The following RNF217 variants were observed in gnomAD, a reference collection of about 807,000 sequenced individuals.
RNF217 encodes the protein E3 ubiquitin-protein ligase RNF217.
In RNF217, 31 loss-of-function variants were observed where a neutral mutation model predicts 57.8. The observed-to-expected ratio is 0.54, with a 90% confidence interval of 0.40 to 0.72. The LOEUF (loss-of-function observed/expected upper bound fraction) is 0.72, where lower values mean the gene tolerates loss of function less well. Ranked by LOEUF, RNF217 falls within the 30% of genes least tolerant of loss-of-function variation. The pLI is 0.00. For synonymous variants in RNF217, 313 were observed against 294.0 expected (o/e 1.06, Z -0.66); for missense variants, 696 against 708.3 (o/e 0.98, Z 0.20).
intron 1 of RNF217, among the ~76,000 whole-genome samples, chr6:125,032,284 G>C (rs1192855469): frequency 6.6e-6 from 1 of 152,118 alleles, no homozygotes; most frequent in Non-Finnish European, 1.5e-5. Context: ...TAGAAACTGA[G>C]ACTAGCAAAT....
At chr6:125,012,977 A>G (rs1415685596) in intron 1 of RNF217, among the ~76,000 whole-genome samples, 2 of 152,170 alleles carry the variant, frequency 1.3e-5, no homozygotes, top group African/African-American at 4.8e-5. Flanking sequence ...GATATAGAAT[A>G]TTAAATGTTT....
At chr6:125,005,341 A>C (rs1267999406) in intron 1 of RNF217, among the ~76,000 whole-genome samples, 2 of 152,228 alleles carry the variant, frequency 1.3e-5, no homozygotes, top group Non-Finnish European at 2.9e-5. Flanking sequence ...ACATCAAAGG[A>C]TAAAAAATTC....
At chr6:124,991,535 T>G (rs1279468738) in intron 1 of RNF217, among the ~76,000 whole-genome samples, 1 of 152,210 alleles carries the variant, frequency 6.6e-6, no homozygotes, top group Non-Finnish European at 1.5e-5. Flanking sequence ...ATTATATTCA[T>G]TTTTGTTGTC....
intron 1 of RNF217, among the ~76,000 whole-genome samples, chr6:125,031,791 T>C (rs1373107178): frequency 6.6e-6 from 1 of 152,194 alleles, no homozygotes; most frequent in Admixed American, 6.5e-5. Flanking sequence ...GCCTGTTACC[T>C]AGTTCCAAAG....
At chr6:125,016,925 A>G (rs1239601512) in intron 1 of RNF217, among the ~76,000 whole-genome samples, 1 of 152,182 alleles carries the variant, frequency 6.6e-6, no homozygotes. Flanking sequence ...ATAAAGCATA[A>G]TAAAAAAGAA....
chr6:124,987,082 G>T (rs572640569), intron 1 of RNF217, among the ~76,000 whole-genome samples: 3 of 152,182 alleles, frequency 2.0e-5, no homozygotes, highest in Middle Eastern at 3.4e-3. Flanking sequence ...TAATTTGGAC[G>T]TTTTTTATAC....
At chr6:125,047,167 C>T (rs1787127508) in intron 2 of RNF217, among the ~76,000 whole-genome samples, 1 of 151,892 alleles carries the variant, frequency 6.6e-6, no homozygotes, top group Admixed American at 6.6e-5. Flanking sequence ...TATGTTTGGA[C>T]TTAGATACAT....
In RNF217 at chr6:125,086,303, T is replaced by C. The variant is rs956908521; in HGVS notation, c.*3366T>C. 7 of 151,660 alleles carry C rather than the reference T, an allele frequency of 4.6e-5. No homozygotes were observed. Among genetic ancestry groups the C allele is most frequent in the African/African-American group, 1.7e-4 (7 of 41,318 alleles). The allele number at this position is 151,660 out of a possible 1,614,324, so 9.4% of individuals were successfully genotyped here. On this transcript the variant is annotated 3_prime_UTR_variant, in exon 6 of 6. Transcript: ENST00000521654. ...ATAAATACCTTGCCAAAACTTACAA[T>C]AGGAAATTTTTTTTCAATAAAAATA...
chr6:125,065,049 G>A (rs983454207), intron 3 of RNF217, among the ~76,000 whole-genome samples: 3 of 151,948 alleles, frequency 2.0e-5, no homozygotes, highest in Non-Finnish European at 4.4e-5. Flanking sequence ...GCCGAGGCGG[G>A]CGGATCACGA....
chr6:124,984,631 A>G (rs866267851), intron 1 of RNF217, among the ~76,000 whole-genome samples: 2 of 152,076 alleles, frequency 1.3e-5, no homozygotes, highest in Non-Finnish European at 2.9e-5. Flanking sequence ...GGCTTTCCAT[A>G]TAAAAAATTA....
chr6:125,038,442 A>G (rs905377870), intron 1 of RNF217, among the ~76,000 whole-genome samples: 43 of 152,324 alleles, frequency 2.8e-4, no homozygotes, highest in African/African-American at 7.7e-4. Flanking sequence ...GAATGAAATG[A>G]CATGATATCT....
intron 1 of RNF217, among the ~76,000 whole-genome samples, chr6:124,997,670 G>T (rs1054693732): frequency 1.3e-5 from 2 of 152,122 alleles, no homozygotes; most frequent in African/African-American, 4.8e-5. Context: ...ACAGCCTGTG[G>T]CGATGAGATA....
At chr6:125,031,599 T>A (rs1431935808) in intron 1 of RNF217, among the ~76,000 whole-genome samples, 3 of 152,068 alleles carry the variant, frequency 2.0e-5, no homozygotes, top group African/African-American at 7.2e-5. Context: ...ATAATGAGAG[T>A]CACCTTTGCT....
intron 3 of RNF217, among the ~76,000 whole-genome samples, chr6:125,062,538 A>G (rs146963356): frequency 6.6e-6 from 1 of 151,908 alleles, no homozygotes; most frequent in Non-Finnish European, 1.5e-5. Flanking sequence ...TTACTTAGCC[A>G]TTTTTATTTG....
At chr6:125,020,621 A>C (rs971834618) in intron 1 of RNF217, among the ~76,000 whole-genome samples, 4 of 152,160 alleles carry the variant, frequency 2.6e-5, no homozygotes, top group African/African-American at 9.7e-5. Context: ...TGGGCTGCCA[A>C]GTAAACATCT....
chr6:125,015,185 A>G (rs1785556465), intron 1 of RNF217, among the ~76,000 whole-genome samples: 1 of 152,186 alleles, frequency 6.6e-6, no homozygotes, highest in African/African-American at 2.4e-5. Flanking sequence ...AAGAAAGCAA[A>G]GGAACATATT....
chr6:125,052,619 C>A (rs1324344280), intron 2 of RNF217, among the ~76,000 whole-genome samples: 1 of 151,996 alleles, frequency 6.6e-6, no homozygotes, highest in Admixed American at 6.6e-5. Context: ...TTTCCATTGC[C>A]ACCATCTGAC....
intron 1 of RNF217, among the ~76,000 whole-genome samples, chr6:124,966,373 A>G (rs1329510830): frequency 6.6e-6 from 1 of 152,224 alleles, no homozygotes; most frequent in African/African-American, 2.4e-5. Context: ...AACAAAGTCA[A>G]ACTGCATGGT....
chr6:125,024,112 A>C (rs1159511679), intron 1 of RNF217, among the ~76,000 whole-genome samples: 1 of 152,224 alleles, frequency 6.6e-6, no homozygotes, highest in African/African-American at 2.4e-5. Flanking sequence ...GAGGTAAACA[A>C]AATGAAACAA....
Sources: gnomAD v4.1 joint callset for allele counts (sites outside exome capture counted in the v4.1 genomes callset) on GRCh38, gnomAD v4.1.1 for gene constraint, MANE v1.5 for transcripts, NCBI Gene and HGNC (gene_info 2026-07-23, HGNC 2026-07-21) for gene names.